ARHGEF6: variants seen among roughly 807,000 people sequenced by gnomAD.
ARHGEF6 encodes the protein rho guanine nucleotide exchange factor 6.
ARHGEF6 carries 9 observed loss-of-function variants against 70.3 expected under a neutral mutation model. The observed-to-expected ratio is 0.13, with a 90% CI of 0.08 to 0.22. The LOEUF is 0.22. Among genes scored for constraint, ARHGEF6 ranks in the 10% least tolerant of loss-of-function variants. The pLI, the probability that ARHGEF6 is intolerant of heterozygous loss-of-function variation, is 1.00. For synonymous variants in ARHGEF6, 201 were observed against 207.8 expected, an observed-to-expected ratio of 0.97 and a Z score of 0.28; for missense variants, 470 against 563.0, an observed-to-expected ratio of 0.83 and a Z score of 1.67.
At chrX:136,726,010 T>C (rs1484432983) in intron 6 of ARHGEF6, among the ~76,000 whole-genome samples, 15 of 111,681 alleles carry the variant, frequency 1.3e-4, no homozygotes, top group African/African-American at 4.2e-4. Context: ...TTTAAGAAAC[T>C]AAAATGCATA....
chrX:136,686,633 TATATATATAC>T (rs2076397459), intron 11 of ARHGEF6, among the ~76,000 whole-genome samples: 7 of 77,134 alleles, frequency 9.1e-5, no homozygotes, highest in Admixed American at 2.9e-4. Context: ...CACATATATA[TATATATATAC>T]ACACATATAT....
At chrX:136,734,631 C>T (rs1048721403) in intron 5 of ARHGEF6, among the ~76,000 whole-genome samples, 5 of 111,804 alleles carry the variant, frequency 4.5e-5, no homozygotes, top group African/African-American at 1.6e-4. Flanking sequence ...AAAAACATCA[C>T]TTCCCAAGTC....
chrX:136,670,648 A>G (rs1188151543), intron 20 of ARHGEF6, among the ~76,000 whole-genome samples: 2 of 110,825 alleles, frequency 1.8e-5, no homozygotes, highest in African/African-American at 6.6e-5. Flanking sequence ...TCCCGTCATA[A>G]GGTTTTGATT....
chrX:136,668,533 C>CTTATTA (rs58182405), intron 21 of ARHGEF6, among the ~76,000 whole-genome samples: 1,329 of 98,433 alleles, frequency 0.014, 29 homozygotes, highest in African/African-American at 0.047. Context: ...TCTTCTTCTT[C>CTTATTA]TTATTATTAT....
chrX:136,715,881 G>T (rs1463118879), intron 6 of ARHGEF6, among the ~76,000 whole-genome samples: 1 of 112,452 alleles, frequency 8.9e-6, no homozygotes, highest in African/African-American at 3.2e-5. Context: ...GCCCTCAGGA[G>T]AAACTATTTT....
chrX:136,671,900 C>T (rs189820174), intron 20 of ARHGEF6, 120 bp downstream of exon 20: 119 of 592,258 alleles, frequency 2.0e-4, no homozygotes, highest in Middle Eastern at 9.3e-4. Flanking sequence ...CAAAGCAGGC[C>T]GCATTCCCAG....
intron 6 of ARHGEF6, 83 bp downstream of exon 6, chrX:136,732,019 C>T: frequency 1.3e-6 from 1 of 749,135 alleles, no homozygotes; most frequent in Non-Finnish European, 2.0e-6. Flanking sequence ...TCCTTTGTGT[C>T]ACCTCAACAC....
chrX:136,694,198 G>A lies in ARHGEF6; in HGVS notation c.1047-3450C>T, dbSNP rs72615479. 3.3e-4 allele frequency among the ~76,000 whole-genome samples: 36 copies of A among 110,433 alleles called. No individual in the cohort carries two copies. The East Asian group carries it at 6.8e-3, about 21-fold the overall frequency. On this transcript the variant is annotated intron_variant, in intron 9 of 21. Transcript: ENST00000250617. ...CTCCTGGGTAGCCGGGACTACAGAC[G>A]CACACCACCACATCCGGCTAATTTT...
At chrX:136,679,838 T>C (rs1029561104) in intron 15 of ARHGEF6, among the ~76,000 whole-genome samples, 178 bp from the exon 16 acceptor site, 1 of 112,206 alleles carries the variant, frequency 8.9e-6, no homozygotes, top group African/African-American at 3.2e-5. Flanking sequence ...GATTATCGGG[T>C]CTCTAAGAAA....
intron 2 of ARHGEF6, chrX:136,767,892 C>G (rs1178228974): frequency 1.6e-6 from 1 of 629,616 alleles, no homozygotes; most frequent in Non-Finnish European, 1.9e-6. Context: ...GTGGCAGCAG[C>G]AAAAGCCGCG....
intron 1 of ARHGEF6, among the ~76,000 whole-genome samples, 194 bp from the exon 2 acceptor site, chrX:136,779,691 C>A (rs2077432555): frequency 8.9e-6 from 1 of 111,776 alleles, no homozygotes; most frequent in Admixed American, 9.5e-5. Context: ...TTTCAAATGT[C>A]ACCAAACCTT....
chrX:136,672,862 C>G (rs923715209), intron 19 of ARHGEF6, among the ~76,000 whole-genome samples: 1 of 111,794 alleles, frequency 8.9e-6, no homozygotes, highest in Non-Finnish European at 1.9e-5. Context: ...GAGCCACTGG[C>G]TTCCTCTCTT....
chrX:136,759,394 C>T (rs2077242981), intron 2 of ARHGEF6, among the ~76,000 whole-genome samples: 1 of 111,370 alleles, frequency 9.0e-6, no homozygotes, highest in Non-Finnish European at 1.9e-5. Context: ...AATCCCAGCA[C>T]TTTGGGAGGC....
At chrX:136,679,391 A>C in intron 16 of ARHGEF6, 144 bp downstream of exon 16, 1 of 757,049 alleles carries the variant, frequency 1.3e-6, no homozygotes, top group Non-Finnish European at 2.0e-6. Flanking sequence ...TAAGAAATCA[A>C]ACAAATCACT....
At chrX:136,678,001 G>A in intron 16 of ARHGEF6, 45 bp from the exon 17 acceptor site, 5 of 1,122,473 alleles carry the variant, frequency 4.5e-6, no homozygotes, top group South Asian at 3.7e-5. Context: ...GTGAGAGGTC[G>A]ATGGTTATAA....
At chrX:136,754,568 G>A (rs1286112331) in intron 2 of ARHGEF6, among the ~76,000 whole-genome samples, 5 of 67,192 alleles carry the variant, frequency 7.4e-5, no homozygotes, top group Non-Finnish European at 1.2e-4. Context: ...CTGGGCAACA[G>A]CGAAACCCCG....
intron 6 of ARHGEF6, among the ~76,000 whole-genome samples, chrX:136,722,847 A>C (rs1341410707): frequency 2.7e-5 from 3 of 112,491 alleles, no homozygotes; most frequent in Non-Finnish European, 5.6e-5. Flanking sequence ...CTTGCACATG[A>C]ATGTTCACAG....
At chrX:136,726,851 GTCTGGCCTATTTGTGACAGCACA>G (rs2076857958) in intron 6 of ARHGEF6, among the ~76,000 whole-genome samples, 1 of 112,990 alleles carries the variant, frequency 8.9e-6, no homozygotes, top group African/African-American at 3.2e-5. Context: ...ATTACTGTGA[GTCTGGCCTATTTGTGACAGCACA>G]AAGGCCAGCT....
chrX:136,768,117 G>A (rs772086347), intron 2 of ARHGEF6, among the ~76,000 whole-genome samples: 2 of 111,222 alleles, frequency 1.8e-5, no homozygotes, highest in East Asian at 5.7e-4. Context: ...TGAGACACCC[G>A]AGAAGCGTTG....
Sources: gnomAD v4.1 joint callset for allele counts (sites outside exome capture counted in the v4.1 genomes callset) on GRCh38, gnomAD v4.1.1 for gene constraint, MANE v1.5 for transcripts, NCBI Gene and HGNC (gene_info 2026-07-23, HGNC 2026-07-21) for gene names.